CADPS2: variants seen among roughly 807,000 people sequenced by gnomAD.
The protein encoded by CADPS2 is calcium dependent secretion activator 2.
CADPS2 carries 93 observed loss-of-function variants against 172.5 expected under a neutral mutation model. The observed-to-expected ratio is 0.54, with a 90% CI of 0.46 to 0.64. The LOEUF is 0.64. Among genes scored for constraint, CADPS2 ranks in the 30% least tolerant of loss-of-function variants. The probability of loss-of-function intolerance (pLI) is 0.00; values close to 1 mark genes in which losing one functional copy is unlikely to be tolerated. For synonymous variants in CADPS2, 546 were observed against 555.2 expected, an observed-to-expected ratio of 0.98 and a Z score of 0.23; for missense variants, 1,420 against 1,565.9, an observed-to-expected ratio of 0.91 and a Z score of 1.57.
intron 8 of CADPS2, among the ~76,000 whole-genome samples, chr7:122,527,165 C>A (rs10258476): frequency 0.013 from 1,985 of 152,102 alleles, 44 homozygotes; most frequent in African/African-American, 0.046. Context: ...TGAATTTTAA[C>A]TTAATGTGAA....
chr7:122,720,078 T>G (rs1258641029), intron 2 of CADPS2, among the ~76,000 whole-genome samples: 1 of 152,070 alleles, frequency 6.6e-6, no homozygotes, highest in East Asian at 1.9e-4. Context: ...CTGGACTATT[T>G]CAATACCAAA....
chr7:122,452,231 A>G (rs937052178), intron 14 of CADPS2, among the ~76,000 whole-genome samples: 1 of 152,228 alleles, frequency 6.6e-6, no homozygotes, highest in African/African-American at 2.4e-5. Flanking sequence ...TTGTACGGCA[A>G]TCATCTAAAA....
chr7:122,496,925 G>T (rs1046634683), intron 9 of CADPS2, among the ~76,000 whole-genome samples: 20 of 152,004 alleles, frequency 1.3e-4, no homozygotes, highest in Admixed American at 1.3e-3. Context: ...TTCCCATCAA[G>T]ATTATCTCTC....
chr7:122,621,513 T>C lies in CADPS2; in HGVS notation c.1072A>G (p.Lys358Glu). 4 of 1,613,710 alleles carry C rather than the reference T, an allele frequency of 2.5e-6. No homozygotes were observed. The highest frequency in any genetic ancestry group is 3.4e-6 in the Non-Finnish European group (4 of 1,179,692). The change falls in exon 5 of 30, where the codon AAG (lysine) becomes GAG (glutamate). Residue 358 changes from lysine to glutamate, a missense_variant. Lys to Glu is a moderately conservative substitution (Grantham distance 56). Transcript: ENST00000449022. ...GTGAATGACAGTACCACGTCGGACTTTGACAGCTGAATCTCATTCTCATCT... is the reference window on the plus strand; with the variant it reads ...GTGAATGACAGTACCACGTCGGACTCTGACAGCTGAATCTCATTCTCATCT... ...IGDENEIQLS[K>E]SDVVLSFTLE...
At chr7:122,570,327 A>T (rs1432780357) in intron 7 of CADPS2, among the ~76,000 whole-genome samples, 3 of 152,140 alleles carry the variant, frequency 2.0e-5, no homozygotes, top group Non-Finnish European at 4.4e-5. Flanking sequence ...TCAAAACCAC[A>T]ATGAGATACC....
intron 1 of CADPS2, among the ~76,000 whole-genome samples, chr7:122,880,460 C>A (rs1013220946): frequency 6.6e-6 from 1 of 152,136 alleles, no homozygotes; most frequent in African/African-American, 2.4e-5. Flanking sequence ...CTTCGAGTAT[C>A]CCCATTACCT....
chr7:122,850,775 A>G (rs1813355952), intron 1 of CADPS2, among the ~76,000 whole-genome samples: 1 of 152,136 alleles, frequency 6.6e-6, no homozygotes, highest in African/African-American at 2.4e-5. Context: ...TCCATCATGG[A>G]TTCATTACAC....
At chr7:122,677,888 T>C (rs1049283520) in intron 2 of CADPS2, among the ~76,000 whole-genome samples, 5 of 152,338 alleles carry the variant, frequency 3.3e-5, no homozygotes, top group Middle Eastern at 3.4e-3. Flanking sequence ...CCTGTTCACC[T>C]GTTTGTCAAG....
intron 7 of CADPS2, among the ~76,000 whole-genome samples, chr7:122,580,469 C>T (rs1404751444): frequency 6.9e-6 from 1 of 144,810 alleles, no homozygotes; most frequent in Non-Finnish European, 1.5e-5. Context: ...AAAAAAAAAC[C>T]CATTAAAAAA....
intron 2 of CADPS2, among the ~76,000 whole-genome samples, chr7:122,671,105 G>T (rs760777571): frequency 6.6e-6 from 1 of 152,084 alleles, no homozygotes; most frequent in African/African-American, 2.4e-5. Flanking sequence ...GCTGTTACAG[G>T]ACCTTTTCTT....
intron 1 of CADPS2, among the ~76,000 whole-genome samples, chr7:122,845,306 C>CA (rs1197843223): frequency 6.6e-6 from 1 of 152,182 alleles, no homozygotes; most frequent in Non-Finnish European, 1.5e-5. Flanking sequence ...AGCAACCTCA[C>CA]ACAAAGCAGC....
chr7:122,594,880 A>G (rs1451583218), intron 6 of CADPS2, among the ~76,000 whole-genome samples: 2 of 151,968 alleles, frequency 1.3e-5, no homozygotes, highest in African/African-American at 4.8e-5. Context: ...AGATTTTTAA[A>G]AACTTACATA....
chr7:122,489,753 A>G (rs1393945821), intron 11 of CADPS2, among the ~76,000 whole-genome samples: 1 of 152,128 alleles, frequency 6.6e-6, no homozygotes, highest in Non-Finnish European at 1.5e-5. Context: ...TACTTTTTCC[A>G]TATCTATAGG....
chr7:122,371,781 C>T (rs1405787794), intron 25 of CADPS2, among the ~76,000 whole-genome samples: 1 of 152,058 alleles, frequency 6.6e-6, no homozygotes, highest in Non-Finnish European at 1.5e-5. Context: ...GTGTGATGTG[C>T]TTGAGCAGAT....
intron 11 of CADPS2, among the ~76,000 whole-genome samples, chr7:122,483,283 G>GA (rs1343957857): frequency 2.0e-5 from 3 of 151,908 alleles, no homozygotes; most frequent in Admixed American, 6.6e-5. Context: ...ATTTATAGAG[G>GA]AAAAAACCAA....
intron 2 of CADPS2, among the ~76,000 whole-genome samples, chr7:122,696,509 GGTCAT>G (rs2085120342): frequency 0.024 from 2 of 82 alleles, 1 homozygote; most frequent in Admixed American, 0.5. Context: ...ATGACCCCAT[GGTCAT>G]GGAAGCAGTT....
At chr7:122,661,140 A>G (rs1362413777) in intron 3 of CADPS2, among the ~76,000 whole-genome samples, 2 of 152,248 alleles carry the variant, frequency 1.3e-5, no homozygotes, top group Non-Finnish European at 2.9e-5. Context: ...AGTCAATTCT[A>G]CAATAAAACA....
chr7:122,706,093 T>TATATATATATGCTTATATATTCAAGGA (rs1445398362), intron 2 of CADPS2, among the ~76,000 whole-genome samples: 10,382 of 37,394 alleles, frequency 0.28, 5,057 homozygotes, highest in East Asian at 0.34. Flanking sequence ...ATTCAAGGAA[T>TATATATATATGCTTATATATTCAAGGA]ATATATATAT....
chr7:122,369,127 TCC>T (rs68130351), intron 25 of CADPS2, among the ~76,000 whole-genome samples: 4,487 of 49,756 alleles, frequency 0.09, 319 homozygotes, highest in African/African-American at 0.24. Context: ...AATTTTTGTT[TCC>T]CCCCCCCCCC....
Sources: gnomAD v4.1 joint callset for allele counts (sites outside exome capture counted in the v4.1 genomes callset) on GRCh38, gnomAD v4.1.1 for gene constraint, MANE v1.5 for transcripts, NCBI Gene and HGNC (gene_info 2026-07-23, HGNC 2026-07-21) for gene names.